The following ANKS1A variants were observed in gnomAD, a reference collection of about 807,000 sequenced individuals.
ANKS1A encodes ankyrin repeat and SAM domain-containing protein 1A.
A neutral mutation model predicts 120.3 loss-of-function variants in ANKS1A; 55 were observed. The observed-to-expected ratio is 0.46, with a 90% CI of 0.37 to 0.57. The LOEUF (loss-of-function observed/expected upper bound fraction) is 0.57. ANKS1A is among the 20% of genes least tolerant of loss of function. The probability of loss-of-function intolerance (pLI) is 0.00; values close to 1 mark genes in which losing one functional copy is unlikely to be tolerated. For synonymous variants in ANKS1A, 590 were observed against 604.7 expected, an observed-to-expected ratio of 0.98 and a Z score of 0.36; for missense variants, 1,123 against 1,480.3, an observed-to-expected ratio of 0.76 and a Z score of 3.96.
At chr6:35,049,971 A>G (rs762682032) in intron 11 of ANKS1A, among the ~76,000 whole-genome samples, 1 of 152,156 alleles carries the variant, frequency 6.6e-6, no homozygotes, top group African/African-American at 2.4e-5. Flanking sequence ...AACTCCCAGT[A>G]TTTATTAAAA....
At position 34,912,450 on chromosome 6, in the gene ANKS1A, C is replaced by T. The variant is rs74445203; in HGVS notation, c.197+22851C>T. Among the ~76,000 whole-genome samples the T allele has an allele frequency of 2.8e-4, 42 of 152,300 alleles. No individual in the cohort carries two copies. In the East Asian group the frequency reaches 7.5e-3, roughly 27 times the overall value. On this transcript the variant is annotated intron_variant, in intron 1 of 23. Transcript: ENST00000360359. ...CTCTCTCACTATCCAACCTCAACCT[C>T]AGTAGGGTCTTCAGGGAGTAGGAGC...
rs565494193 is a variant in ANKS1A, at chr6:35,028,532, A to T, written c.2010+10473A>T. 1.7e-4 allele frequency among the ~76,000 whole-genome samples: 26 copies of T among 152,338 alleles called. No individual in the cohort carries two copies. In the East Asian group the frequency reaches 4.6e-3, roughly 27 times the overall value. The stretch of plus-strand genomic sequence containing the variant: ...AATACCTGAATCTAGGTGAAATTTT[A>T]AAGGTACCAAAGACTATATAGTGAA... On this transcript the variant is annotated intron_variant, in intron 11 of 23. Coordinates refer to ENST00000360359, the MANE Select transcript of ANKS1A (RefSeq NM_015245.3).
Position 35,086,140 on chromosome 6 carries a change from C to A in ANKS1A, c.3303+204C>A. ...CTCTGGCCTGGGCGGGCCTCTCATG[C>A]TCCTGTTTCCCTCCCTCGCTGGGCT... On this transcript the variant is annotated intron_variant, in intron 22 of 23. Coordinates refer to ENST00000360359, the MANE Select transcript of ANKS1A (RefSeq NM_015245.3). The surrounding 1 kb of genome is among the most constrained non-coding windows in gnomAD (Gnocchi z 5.1). 8.5e-7 allele frequency: 1 copy of A among 1,176,952 alleles called. No homozygotes were observed. The highest frequency in any genetic ancestry group is 1.5e-5 in the South Asian group (1 of 67,328). The allele number at this position is 1,176,952 out of a possible 1,614,324, so 72.9% of individuals were successfully genotyped here. A position where few individuals can be genotyped will look rare whatever the true frequency, so the allele number is the denominator to read the frequency against.
chr6:34,988,324 C>T (rs766232133), intron 8 of ANKS1A, among the ~76,000 whole-genome samples: 2 of 152,162 alleles, frequency 1.3e-5, no homozygotes, highest in African/African-American at 2.4e-5. Flanking sequence ...GGGCTGGGCA[C>T]GGTGGCTTAC....
chr6:34,945,307 G>A (rs1057392060), intron 1 of ANKS1A, among the ~76,000 whole-genome samples: 4 of 152,118 alleles, frequency 2.6e-5, no homozygotes, highest in Non-Finnish European at 5.9e-5. Flanking sequence ...CAAACTCCTG[G>A]GCTCAAGCAG....
intron 1 of ANKS1A, among the ~76,000 whole-genome samples, chr6:34,960,466 C>T (rs551162242): frequency 6.6e-6 from 1 of 152,174 alleles, no homozygotes; most frequent in East Asian, 1.9e-4. Flanking sequence ...TGAGTACATG[C>T]GTGAGTAGCT....
intron 1 of ANKS1A, among the ~76,000 whole-genome samples, chr6:34,942,725 A>G (rs1221676956): frequency 6.6e-6 from 1 of 150,558 alleles, no homozygotes; most frequent in Non-Finnish European, 1.5e-5. Flanking sequence ...TGCATTGTAC[A>G]CTTTCTTCTG....
Position 35,086,453 on chromosome 6 carries a change from C to T in ANKS1A, c.3304-499C>T. The T allele has an allele frequency of 1.1e-6, 1 of 923,674 alleles. No individual in the cohort carries two copies. Among genetic ancestry groups the T allele is most frequent in the Non-Finnish European group, 1.5e-6 (1 of 654,678 alleles). The allele number at this position is 923,674 out of a possible 1,614,324, so 57.2% of individuals were successfully genotyped here. A position where few individuals can be genotyped will look rare whatever the true frequency, so the allele number is the denominator to read the frequency against. On this transcript the variant is annotated intron_variant, in intron 22 of 23. Coordinates refer to ENST00000360359, the MANE Select transcript of ANKS1A (RefSeq NM_015245.3). This position sits in a 1 kb window ranked among gnomAD's most constrained non-coding sequence, Gnocchi z 5.1. ...TAGCCTCTGGCGGCCTCTCCCTCTG[C>T]CTGTGTGACATTCTTTCCCCTCTTC... is the stretch of plus-strand genomic sequence containing the variant.
intron 1 of ANKS1A, among the ~76,000 whole-genome samples, chr6:34,958,180 G>T (rs942819441): frequency 6.6e-6 from 1 of 151,878 alleles, no homozygotes; most frequent in Non-Finnish European, 1.5e-5. Context: ...ACTCCCTCCC[G>T]CTCCCTTCTC....
At chr6:34,984,062 G>A (rs1441433897) in intron 7 of ANKS1A, among the ~76,000 whole-genome samples, 1 of 152,082 alleles carries the variant, frequency 6.6e-6, no homozygotes, top group East Asian at 1.9e-4. Context: ...CCAAAGTTCT[G>A]GGATTACAGG....
intron 11 of ANKS1A, among the ~76,000 whole-genome samples, chr6:35,052,620 A>G (rs1427418678): frequency 2.0e-5 from 3 of 150,808 alleles, no homozygotes; most frequent in Admixed American, 6.6e-5. Flanking sequence ...AAAAAAAAAA[A>G]AAAAAAAAAA....
intron 1 of ANKS1A, among the ~76,000 whole-genome samples, chr6:34,917,119 A>G (rs531903859): frequency 1.3e-5 from 2 of 152,274 alleles, no homozygotes; most frequent in African/African-American, 2.4e-5. Flanking sequence ...TCCACCACTA[A>G]TCCTATCCCA....
chr6:34,889,532 G>GGCGGCGGCA lies in ANKS1A; in HGVS notation c.139_147dup (p.Ser47_Gly49dup). The stretch of plus-strand genomic sequence containing the variant: ...CGGCGGCGGTGGCTCTGGGGGCGGC[G>GGCGGCGGCA]GCGGCGGCAGCGGCGGCGGCGGCGG... On this transcript the variant is annotated inframe_insertion, in exon 1 of 24. Transcript: ENST00000360359. This position sits in a 1 kb window ranked among gnomAD's most constrained non-coding sequence, Gnocchi z 5.5. 7.9e-7 allele frequency: 1 copy of GGCGGCGGCA among 1,271,310 alleles called. No homozygotes were observed. Among genetic ancestry groups the GGCGGCGGCA allele is most frequent in the Non-Finnish European group, 9.8e-7 (1 of 1,019,096 alleles). The allele number at this position is 1,271,310 out of a possible 1,614,324, so 78.8% of individuals were successfully genotyped here. A position where few individuals can be genotyped will look rare whatever the true frequency, so the allele number is the denominator to read the frequency against.
chr6:34,944,545 G>T (rs551132903), intron 1 of ANKS1A, among the ~76,000 whole-genome samples: 8 of 152,170 alleles, frequency 5.3e-5, no homozygotes, highest in Non-Finnish European at 1.0e-4. Context: ...AAATTAGGTT[G>T]TTTTCTTATT....
At chr6:34,920,429 C>G (rs896253586) in intron 1 of ANKS1A, among the ~76,000 whole-genome samples, 2 of 152,076 alleles carry the variant, frequency 1.3e-5, no homozygotes, top group Admixed American at 1.3e-4. Context: ...GTTGCCCAGG[C>G]TGGTCTCAAA....
rs1055237771 is a variant in ANKS1A, at chr6:35,044,356, C to T, written c.2011-9743C>T. Among the ~76,000 whole-genome samples the T allele has an allele frequency of 6.6e-6, 1 of 152,244 alleles. No individual in the cohort carries two copies. The highest frequency in any genetic ancestry group is 1.5e-5 in the Non-Finnish European group (1 of 68,042). On this transcript the variant is annotated intron_variant, in intron 11 of 23. Coordinates refer to ENST00000360359, the MANE Select transcript of ANKS1A (RefSeq NM_015245.3). The surrounding 1 kb of genome is among the most constrained non-coding windows in gnomAD (Gnocchi z 4.4). ...AGCGGAGGTGTGGGAAGAACAAGTT[C>T]CTTGCTCACAGCCGCGTTGCTGAAA...
At chr6:35,046,312 A>G (rs1488032982) in intron 11 of ANKS1A, among the ~76,000 whole-genome samples, 1 of 152,174 alleles carries the variant, frequency 6.6e-6, no homozygotes. Context: ...TGTGACAGGG[A>G]ATAATGGTGC....
Position 34,905,482 on chromosome 6 carries a change from C to A in ANKS1A, c.197+15883C>A, listed in dbSNP as rs147499447. Among the ~76,000 whole-genome samples the A allele has an allele frequency of 1.5e-3, 234 of 152,032 alleles. 1 individual carries two copies. Among genetic ancestry groups the A allele is most frequent in the African/African-American group, 5.3e-3 (218 of 41,414 alleles). ...GTATTTGGGATGAGTGGGATGGTTT[C>A]ACTTCTTGAGCACTTAATACTTTGT... On this transcript the variant is annotated intron_variant, in intron 1 of 23. Transcript: ENST00000360359.
intron 1 of ANKS1A, among the ~76,000 whole-genome samples, chr6:34,961,832 G>A (rs1770655606): frequency 6.6e-6 from 1 of 152,068 alleles, no homozygotes; most frequent in African/African-American, 2.4e-5. Flanking sequence ...TCTAGTCATC[G>A]CGTTGCTGCT....
Sources: allele counts gnomAD v4.1 joint callset (sites outside exome capture counted in the v4.1 genomes callset), GRCh38; gene constraint gnomAD v4.1.1; non-coding constraint Gnocchi (gnomAD v3.1); transcripts MANE v1.5; gene names NCBI Gene and HGNC (gene_info 2026-07-23, HGNC 2026-07-21).